Variants in RAB31 observed in about 807,000 individuals in gnomAD.
The protein encoded by RAB31 is RAB31, member RAS oncogene family.
RAB31 carries 21 observed loss-of-function variants against 25.6 expected under a neutral mutation model. That is an observed-to-expected ratio of 0.82 (90% CI 0.58 to 1.18). The LOEUF (loss-of-function observed/expected upper bound fraction) is 1.18, where lower values mean the gene tolerates loss of function less well. RAB31 is among the 50% of genes most tolerant of loss of function. The probability of loss-of-function intolerance (pLI) is 0.00; values close to 1 mark genes in which losing one functional copy is unlikely to be tolerated. For synonymous variants in RAB31, 87 were observed against 84.0 expected, an observed-to-expected ratio of 1.04 and a Z score of -0.20; for missense variants, 196 against 250.1, an observed-to-expected ratio of 0.78 and a Z score of 1.46.
chr18:9,716,933 T>TCTTTCTTTCTTTC (rs1555682999), intron 1 of RAB31, among the ~76,000 whole-genome samples: 112 of 141,370 alleles, frequency 7.9e-4, no homozygotes, highest in Non-Finnish European at 8.5e-4. Context: ...TTTCTTTCTT[T>TCTTTCTTTCTTTC]TTTTTTTGGT....
rs569754447 is a variant in RAB31, at chr18:9,754,231, G to A, written c.40-21047G>A. ...CATGTTTGTGGACTTAACAACTTTG[G>A]ATTTCAAATACTGGGAAAAAAATTG... On this transcript the variant is annotated intron_variant, in intron 1 of 6. Coordinates refer to ENST00000578921, the MANE Select transcript of RAB31 (RefSeq NM_006868.4). Among the ~76,000 whole-genome samples the A allele has an allele frequency of 1.1e-4, 16 of 152,242 alleles. 1 individual carries two copies. The South Asian group carries it at 3.1e-3, about 30-fold the overall frequency.
intron 2 of RAB31, chr18:9,786,813 A>G (rs191718792): frequency 1.5e-3 from 232 of 152,418 alleles, no homozygotes; most frequent in African/African-American, 5.3e-3. Flanking sequence ...TCTGCCAAAG[A>G]GAAAAGTAAT....
intron 5 of RAB31, among the ~76,000 whole-genome samples, chr18:9,825,341 G>A (rs1450602804): frequency 6.6e-6 from 1 of 152,162 alleles, no homozygotes; most frequent in East Asian, 1.9e-4. Flanking sequence ...AGAAAGCTTT[G>A]TCTCAGAAAG....
At chr18:9,779,041 G>A (rs2068388733) in intron 2 of RAB31, among the ~76,000 whole-genome samples, 1 of 152,148 alleles carries the variant, frequency 6.6e-6, no homozygotes, top group Non-Finnish European at 1.5e-5. Flanking sequence ...CTGAGGAGGA[G>A]CAGGAAGAGG....
At position 9,776,553 on chromosome 18, in the gene RAB31, G is replaced by A. The variant is rs57311713; in HGVS notation, c.119+1196G>A. Among the ~76,000 whole-genome samples, 6 of 152,264 alleles carry A rather than the reference G, an allele frequency of 3.9e-5. No individual in the cohort carries two copies. In the South Asian group the frequency reaches 8.3e-4, roughly 21 times the overall value. The stretch of plus-strand genomic sequence containing the variant: ...CATGAAAATATCAAGAATTAGGAAA[G>A]GTCTGAGATTTTACCCTAATTGCAG... On this transcript the variant is annotated intron_variant, in intron 2 of 6. Transcript: ENST00000578921.
At chr18:9,803,645 T>C (rs1224630038) in intron 3 of RAB31, among the ~76,000 whole-genome samples, 1 of 152,218 alleles carries the variant, frequency 6.6e-6, no homozygotes, top group African/African-American at 2.4e-5. Context: ...GTGAGGGCCA[T>C]GCCTGCTGAG....
chr18:9,744,560 T>A (rs1203423130), intron 1 of RAB31, among the ~76,000 whole-genome samples: 1 of 152,180 alleles, frequency 6.6e-6, no homozygotes, highest in Non-Finnish European at 1.5e-5. Flanking sequence ...TATTTTATGG[T>A]CCCTATTAAA....
At chr18:9,758,132 G>A (rs547340307) in intron 1 of RAB31, 2 of 152,308 alleles carry the variant, frequency 1.3e-5, no homozygotes, top group Admixed American at 6.5e-5. Flanking sequence ...CCCGAGACGC[G>A]GCTCCTGTTC....
At chr18:9,788,884 C>T (rs553669107) in intron 2 of RAB31, among the ~76,000 whole-genome samples, 7 of 152,250 alleles carry the variant, frequency 4.6e-5, no homozygotes, top group South Asian at 2.1e-4. Context: ...GCAGGAGAAT[C>T]GCATGAACCT....
At chr18:9,725,904 A>ACAG (rs959536103) in intron 1 of RAB31, 2 of 152,250 alleles carry the variant, frequency 1.3e-5, no homozygotes, top group African/African-American at 4.8e-5. Context: ...AATAATACCA[A>ACAG]CAGCAGCAGC....
Position 9,860,347 on chromosome 18 carries a change from A to G in RAB31, c.*1022A>G, listed in dbSNP as rs915696413. On this transcript the variant is annotated 3_prime_UTR_variant, in exon 7 of 7. Coordinates refer to ENST00000578921, the MANE Select transcript of RAB31 (RefSeq NM_006868.4). ...CAGCACTTTAAAATTCTAGACCCCA[A>G]AAAACTACAAAATCAGAAAAAGTAT... 1 of 152,210 alleles carries G rather than the reference A, an allele frequency of 6.6e-6. No homozygotes were observed. The highest frequency in any genetic ancestry group is 1.5e-5 in the Non-Finnish European group (1 of 68,020). 9.4% of individuals were successfully genotyped at this position (152,210 alleles called of 1,614,324 possible).
intron 3 of RAB31, among the ~76,000 whole-genome samples, chr18:9,794,338 C>T (rs1193089623): frequency 6.6e-6 from 1 of 152,100 alleles, no homozygotes; most frequent in Non-Finnish European, 1.5e-5. Context: ...CCTTTTAAAA[C>T]AAAAGTTCCC....
At chr18:9,813,934 G>C in intron 3 of RAB31, 86 bp from the exon 4 acceptor site, 1 of 837,744 alleles carries the variant, frequency 1.2e-6, no homozygotes, top group Non-Finnish European at 2.0e-6. Context: ...CTGTAAGGAT[G>C]ATGTAGGATA....
chr18:9,751,607 ACAT>A (rs1248961683), intron 1 of RAB31, among the ~76,000 whole-genome samples: 2 of 152,206 alleles, frequency 1.3e-5, no homozygotes, highest in African/African-American at 4.8e-5. Flanking sequence ...TAGGTAGGAG[ACAT>A]CATTCTTTTG....
intron 5 of RAB31, among the ~76,000 whole-genome samples, chr18:9,817,024 A>G (rs1403738166): frequency 6.6e-6 from 1 of 152,194 alleles, no homozygotes; most frequent in African/African-American, 2.4e-5. Context: ...TAACAGCCAT[A>G]AACACCACTT....
chr18:9,825,923 C>G (rs1179565769), intron 5 of RAB31, among the ~76,000 whole-genome samples: 1 of 152,116 alleles, frequency 6.6e-6, no homozygotes, highest in Non-Finnish European at 1.5e-5. Context: ...GAAACAGACA[C>G]TGGGAGCTTC....
chr18:9,736,482 C>T (rs1179856271), intron 1 of RAB31, among the ~76,000 whole-genome samples: 11 of 151,836 alleles, frequency 7.2e-5, no homozygotes, highest in Non-Finnish European at 1.5e-4. Context: ...AAGCCCCTGC[C>T]CTCTCCCCTC....
intron 5 of RAB31, among the ~76,000 whole-genome samples, chr18:9,819,868 T>C (rs558674079): frequency 1.3e-4 from 20 of 152,202 alleles, no homozygotes; most frequent in African/African-American, 4.8e-4. Flanking sequence ...TGCTTGTTGT[T>C]AGTGTGTAGA....
intron 3 of RAB31, among the ~76,000 whole-genome samples, chr18:9,799,479 A>G (rs2068503267): frequency 6.6e-6 from 1 of 152,008 alleles, no homozygotes; most frequent in Non-Finnish European, 1.5e-5. Context: ...TATATAAGAG[A>G]GTATTCATTC....
Sources: gnomAD v4.1 joint callset for allele counts (sites outside exome capture counted in the v4.1 genomes callset) on GRCh38, gnomAD v4.1.1 for gene constraint, MANE v1.5 for transcripts, NCBI Gene and HGNC (gene_info 2026-07-23, HGNC 2026-07-21) for gene names.